The following MMP21 variants were observed in gnomAD, a reference collection of about 807,000 sequenced individuals.
MMP21 encodes the protein matrix metalloproteinase-21.
A neutral mutation model predicts 47.8 loss-of-function variants in MMP21; 40 were observed. That is an observed-to-expected ratio of 0.84 (90% CI 0.65 to 1.09). The LOEUF is 1.09. Ranked by LOEUF, MMP21 falls within the 50% of genes least tolerant of loss-of-function variation. MMP21 has a pLI of 0.00. For missense variants in MMP21, 747 were observed against 775.3 expected (o/e 0.96, Z 0.43); for synonymous variants, 341 against 318.0 (o/e 1.07, Z -0.77).
chr10:125,766,565 C>CCA lies in MMP21; in HGVS notation c.*95_*96dup. 1 of 982,210 alleles carries CCA rather than the reference C, an allele frequency of 1.0e-6. No individual in the cohort carries two copies. Among genetic ancestry groups the CCA allele is most frequent in the Non-Finnish European group, 1.5e-6 (1 of 678,926 alleles). The allele number at this position is 982,210 out of a possible 1,614,324, so 60.8% of individuals were successfully genotyped here. A position where few individuals can be genotyped will look rare whatever the true frequency, so the allele number is the denominator to read the frequency against. On this transcript the variant is annotated 3_prime_UTR_variant, in exon 7 of 7. Transcript: ENST00000368808. ...TCCCATTGGGTTTTAACTTACAGTG[C>CCA]CATATTTTCTTCAGCTACTGAAAAT...
Position 125,774,148 on chromosome 10 carries a change from G to C in MMP21, c.380C>G (p.Pro127Arg), listed in dbSNP as rs1429626350. Residue 127 changes from proline (P) to arginine (R), a missense_variant, in exon 2 of 7, where the codon CCC becomes CGC. Transcript: ENST00000368808. ...GCCCGGGGGCGAAGGCGGGGCGGAGGGGGGCGGTGGGCGCATGTCCGGGAC... is the reference window on the plus strand; with the variant it reads ...GCCCGGGGGCGAAGGCGGGGCGGAGCGGGGCGGTGGGCGCATGTCCGGGAC... ...CGVPDMRPPP[P>R]SAPPSPPGPP... is the part of the protein sequence containing the mutation. 1.6e-6 allele frequency: 2 copies of C among 1,278,922 alleles called. No homozygotes were observed. The highest frequency in any genetic ancestry group is 2.6e-5 in the South Asian group (1 of 38,138). 79.2% of individuals were successfully genotyped at this position (1,278,922 alleles called of 1,614,324 possible).
chr10:125,772,555 G>A lies in MMP21; in HGVS notation c.837+56C>T, dbSNP rs924283763. 104 of 1,608,680 alleles carry A rather than the reference G, an allele frequency of 6.5e-5. No homozygotes were observed. In the African/African-American group the frequency reaches 6.8e-4, roughly 11 times the overall value. On this transcript the variant is annotated intron_variant, in intron 3 of 6. Transcript: ENST00000368808. The surrounding 1 kb of genome is among the most constrained non-coding windows in gnomAD (Gnocchi z 5.6). ...TGAGAAAAGCTTGGACTTTTTGGAC[G>A]TCAGCCCATGAGCACTGCTGGTGTC... is the stretch of plus-strand genomic sequence containing the variant.
Position 125,772,831 on chromosome 10 carries a change from C to A in MMP21, c.698-81G>T. 3.3e-6 allele frequency: 5 copies of A among 1,519,906 alleles called. No homozygotes were observed. In the South Asian group the frequency reaches 4.7e-5, roughly 14 times the overall value. The allele number at this position is 1,519,906 out of a possible 1,614,324, so 94.2% of individuals were successfully genotyped here. A position where few individuals can be genotyped will look rare whatever the true frequency, so the allele number is the denominator to read the frequency against. ...ACTCCTCACCTAGGGGGTCCCCAGC[C>A]TCCAGGAGCCGGCAGCAGAGGTAGA... On this transcript the variant is annotated intron_variant, in intron 2 of 6. Transcript: ENST00000368808. The surrounding 1 kb of genome is among the most constrained non-coding windows in gnomAD (Gnocchi z 5.6).
In MMP21 at chr10:125,770,238, A is replaced by G. The variant is rs551341226; in HGVS notation, c.1237+96T>C. On this transcript the variant is annotated intron_variant, in intron 5 of 6. Transcript: ENST00000368808. ...CAGAAATTAAGCAAGTAATGACAAG[A>G]GCATTACAACAGATTCCTTGGTAGG... 1.8e-5 allele frequency: 23 copies of G among 1,252,612 alleles called. No homozygotes were observed. In the East Asian group the frequency reaches 5.3e-4, roughly 29 times the overall value. 77.6% of individuals were successfully genotyped at this position (1,252,612 alleles called of 1,614,324 possible).
chr10:125,770,283 G>C (rs374636376), intron 5 of MMP21, 51 bp downstream of exon 5: 1 of 1,584,010 alleles, frequency 6.3e-7, no homozygotes, highest in Non-Finnish European at 8.6e-7. Flanking sequence ...CATTCCTTCT[G>C]AGTGCATTCG....
In MMP21 at chr10:125,773,058, C is replaced by T. The variant is rs948359829; in HGVS notation, c.698-308G>A. ...GGCCTCACCCGGACAAGATCGGGGC[C>T]GGATCCTCGCCTCTGCGGAGGTCGT... On this transcript the variant is annotated intron_variant, in intron 2 of 6. Coordinates refer to ENST00000368808, the MANE Select transcript of MMP21 (RefSeq NM_147191.1). This position sits in a 1 kb window ranked among gnomAD's most constrained non-coding sequence, Gnocchi z 4.8. Among the ~76,000 whole-genome samples the T allele has an allele frequency of 2.6e-5, 4 of 152,222 alleles. No homozygotes were observed. The highest frequency in any genetic ancestry group is 5.9e-5 in the Non-Finnish European group (4 of 68,046).
intron 5 of MMP21, 114 bp downstream of exon 5, chr10:125,770,220 T>C (rs1347526724): frequency 8.9e-7 from 1 of 1,119,302 alleles, no homozygotes; most frequent in African/African-American, 1.6e-5. Context: ...AGACAGAAAT[T>C]AAGCAAGTAA....
chr10:125,767,614 C>G lies in MMP21; in HGVS notation c.1328G>C (p.Gly443Ala), dbSNP rs1564761925. Reference sequence around the variant, plus strand: ...TAGGGGACTTGGGATGCCAGGAAATCCTTCTGAAATCAATTTGGGATAGCT... The same window carrying G: ...TAGGGGACTTGGGATGCCAGGAAATGCTTCTGAAATCAATTTGGGATAGCT... ...GKSYPKLISE[G>A]FPGIPSPLDT... The change falls in exon 6 of 7, where the codon GGA becomes GCA. Residue 443 changes from glycine to alanine, a missense_variant. Transcript: ENST00000368808. 5 of 1,614,220 alleles carry G rather than the reference C, an allele frequency of 3.1e-6. No homozygotes were observed. The highest frequency in any genetic ancestry group is 2.7e-5 in the African/African-American group (2 of 75,042).
chr10:125,767,129 C>A (rs1221631988), intron 6 of MMP21, among the ~76,000 whole-genome samples, 168 bp from the exon 7 acceptor site: 3 of 151,700 alleles, frequency 2.0e-5, no homozygotes. Flanking sequence ...GAAGTGAGTA[C>A]ACGTTTTTTG....
chr10:125,769,416 C>T (rs1002453606), intron 5 of MMP21, among the ~76,000 whole-genome samples: 16 of 152,244 alleles, frequency 1.1e-4, no homozygotes, highest in Middle Eastern at 3.2e-3. Context: ...TGGGCCAACC[C>T]GCCTTTCTAG....
At chr10:125,767,784 C>T (rs961139906) in intron 5 of MMP21, 80 bp from the exon 6 acceptor site, 2 of 1,437,244 alleles carry the variant, frequency 1.4e-6, no homozygotes, top group African/African-American at 1.4e-5. Context: ...CAATCTAGGT[C>T]TCAGCCAATC....
chr10:125,772,149 G>C lies in MMP21; in HGVS notation c.979+69C>G. On this transcript the variant is annotated intron_variant, in intron 4 of 6. Transcript: ENST00000368808. This position sits in a 1 kb window ranked among gnomAD's most constrained non-coding sequence, Gnocchi z 5.6. ...CCCAGTTTCCCAGTGAGGAGTGAGC[G>C]GGGTCCTACAGTGCTCTGGAATACA... 3 of 1,569,666 alleles carry C rather than the reference G, an allele frequency of 1.9e-6. No individual in the cohort carries two copies. The highest frequency in any genetic ancestry group is 3.4e-5 in the Admixed American group (2 of 58,724).
At chr10:125,770,787 G>A (rs1180803415) in intron 4 of MMP21, among the ~76,000 whole-genome samples, 196 bp from the exon 5 acceptor site, 1 of 151,726 alleles carries the variant, frequency 6.6e-6, no homozygotes, top group East Asian at 1.9e-4. Context: ...TTGGGAGACC[G>A]AGACAGGAGG....
intron 4 of MMP21, 54 bp from the exon 5 acceptor site, chr10:125,770,645 A>G (rs983202396): frequency 1.7e-5 from 27 of 1,581,434 alleles, no homozygotes; most frequent in Non-Finnish European, 2.2e-5. Flanking sequence ...TGCAAAACTT[A>G]TATTTTCATA....
rs1850467962 is a variant in MMP21 at position 125,772,857 on chromosome 10, C to CA, written c.698-108dup. 2.4e-6 allele frequency: 3 copies of CA among 1,259,730 alleles called. No individual in the cohort carries two copies. The highest frequency in any genetic ancestry group is 2.5e-5 in the East Asian group (1 of 40,766). 78.0% of individuals were successfully genotyped at this position (1,259,730 alleles called of 1,614,324 possible). ...TCCAGGAGCCGGCAGCAGAGGTAGA[C>CA]AGAGTGGCAGCTCCTGGATTAAGTC... On this transcript the variant is annotated intron_variant, in intron 2 of 6. Coordinates refer to ENST00000368808, the MANE Select transcript of MMP21 (RefSeq NM_147191.1). This position sits in a 1 kb window ranked among gnomAD's most constrained non-coding sequence, Gnocchi z 5.6.
At chr10:125,770,879 G>A (rs933445494) in intron 4 of MMP21, among the ~76,000 whole-genome samples, 4 of 151,828 alleles carry the variant, frequency 2.6e-5, no homozygotes, top group Non-Finnish European at 5.9e-5. Flanking sequence ...AAAAGTAGCC[G>A]GGCATGGTGG....
chr10:125,770,278 CTTCT>C, intron 5 of MMP21, 52 bp downstream of exon 5: 2 of 1,576,496 alleles, frequency 1.3e-6, no homozygotes, highest in East Asian at 2.2e-5. Flanking sequence ...CAAGACATTC[CTTCT>C]GAGTGCATTC....
In MMP21 at chr10:125,774,081, C is replaced by T. The variant is rs756197181; in HGVS notation, c.447G>A (p.Pro149=). 1.2e-5 allele frequency: 16 copies of T among 1,384,688 alleles called. No individual in the cohort carries two copies. The South Asian group carries it at 2.3e-4, about 20-fold the overall frequency. 85.8% of individuals were successfully genotyped at this position (1,384,688 alleles called of 1,614,324 possible). A position where few individuals can be genotyped will look rare whatever the true frequency, so the allele number is the denominator to read the frequency against. ...RARSRRSPRA[P]LSLSRRGWQP... is the part of the protein sequence containing the mutation. ...GCCAACCCCGCCGGGACAAGGACAGCGGCGCCCGCGGGGAGCGCCTGGAGC... is the reference window on the plus strand; with the variant it reads ...GCCAACCCCGCCGGGACAAGGACAGTGGCGCCCGCGGGGAGCGCCTGGAGC... The change falls in exon 2 of 7, where the codon CCG becomes CCA. Residue 149 remains proline, a synonymous_variant. Coordinates refer to ENST00000368808, the MANE Select transcript of MMP21 (RefSeq NM_147191.1).
At position 125,773,945 on chromosome 10, in the gene MMP21, G is replaced by A. The variant is rs1360968213; in HGVS notation, c.583C>T (p.Arg195Trp). ...CTGAAGGCCAGCGCCACAATGCGCC[G>A]CTGGTCGGCCACGGACAGTTGGCTG... ...LSSQLSVADQ[R>W]RIVALAFRMW... Residue 195 changes from arginine to tryptophan, a missense_variant, in exon 2 of 7, where the codon CGG (arginine) becomes TGG (tryptophan). Physicochemically the swap from Arg to Trp is moderately radical, Grantham distance 101. Transcript: ENST00000368808. The surrounding 1 kb of genome is among the most constrained non-coding windows in gnomAD (Gnocchi z 4.8). 4 of 1,585,244 alleles carry A rather than the reference G, an allele frequency of 2.5e-6. No individual in the cohort carries two copies. The highest frequency in any genetic ancestry group is 3.4e-6 in the Non-Finnish European group (4 of 1,173,340).
Sources: gnomAD v4.1 joint callset for allele counts (sites outside exome capture counted in the v4.1 genomes callset) on GRCh38, gnomAD v4.1.1 for gene constraint, Gnocchi (gnomAD v3.1) non-coding constraint, MANE v1.5 for transcripts, NCBI Gene and HGNC (gene_info 2026-07-23, HGNC 2026-07-21) for gene names.